The following MAOB variants were observed in gnomAD, a reference collection of about 807,000 sequenced individuals.
MAOB encodes monoamine oxidase B, also known as amine oxidase [flavin-containing] B.
MAOB carries 15 observed loss-of-function variants against 41.9 expected under a neutral mutation model. That is an observed-to-expected ratio of 0.36 (90% CI 0.24 to 0.55). MAOB has a LOEUF of 0.55. Among genes scored for constraint, MAOB ranks in the 20% least tolerant of loss-of-function variants. The pLI is 0.86. For missense variants in MAOB, 345 were observed against 398.7 expected, an observed-to-expected ratio of 0.87 and a Z score of 1.15; for synonymous variants, 167 against 144.2, an observed-to-expected ratio of 1.16 and a Z score of -1.13.
intron 1 of MAOB, among the ~76,000 whole-genome samples, chrX:43,853,739 G>C (rs998876401): frequency 5.4e-5 from 6 of 111,255 alleles, no homozygotes; most frequent in African/African-American, 2.0e-4. Flanking sequence ...GAGATAGAGT[G>C]ATGCCTCTAT....
chrX:43,815,842 C>T lies in MAOB; in HGVS notation c.280-12438G>A, dbSNP rs145766775. Among the ~76,000 whole-genome samples, 663 of 112,089 alleles carry T rather than the reference C, an allele frequency of 5.9e-3. 6 individuals carry two copies. The highest frequency in any genetic ancestry group is 0.021 in the African/African-American group (635 of 30,865). ...AAGCTGCATGTACACATTACTATGACCCACTTCTAGGTATACGCCCCAGAA... is the reference window on the plus strand; with the variant it reads ...AAGCTGCATGTACACATTACTATGATCCACTTCTAGGTATACGCCCCAGAA... On this transcript the variant is annotated intron_variant, in intron 3 of 14. Transcript: ENST00000378069.
At chrX:43,784,871 G>A (rs2034379455) in intron 8 of MAOB, among the ~76,000 whole-genome samples, 1 of 112,291 alleles carries the variant, frequency 8.9e-6, no homozygotes, top group African/African-American at 3.2e-5. Flanking sequence ...TTTCCGGTCG[G>A]GTGTGGTGGC....
chrX:43,850,827 C>T (rs1378440866), intron 1 of MAOB, among the ~76,000 whole-genome samples: 1 of 112,041 alleles, frequency 8.9e-6, no homozygotes, highest in Admixed American at 9.5e-5. Flanking sequence ...ATCAAGCTTT[C>T]ATAAGTTGCC....
intron 1 of MAOB, among the ~76,000 whole-genome samples, chrX:43,873,345 A>T (rs112478142): frequency 2.5e-4 from 28 of 111,413 alleles, no homozygotes; most frequent in Non-Finnish European, 4.3e-4. Context: ...GGAGAGGTTA[A>T]GCAAAAGGGA....
Position 43,838,853 on chromosome X carries a change from C to T in MAOB, c.279+15G>A, listed in dbSNP as rs377652610. 8.6e-7 allele frequency: 1 copy of T among 1,168,782 alleles called. No homozygotes were observed. ...GAGAAGTTTTCAAATCCTTCAAAGT[C>T]TGGCCTGATCTTACCTTTACATGGT... On this transcript the variant is annotated intron_variant, in intron 3 of 14. Transcript: ENST00000378069.
intron 1 of MAOB, among the ~76,000 whole-genome samples, chrX:43,847,745 C>T (rs1375220697): frequency 8.9e-6 from 1 of 112,369 alleles, no homozygotes; most frequent in Non-Finnish European, 1.9e-5. Flanking sequence ...CCTTTGCAAA[C>T]AATTTAGGAG....
intron 3 of MAOB, among the ~76,000 whole-genome samples, chrX:43,826,039 A>G (rs192591731): frequency 1.8e-3 from 197 of 112,308 alleles, no homozygotes; most frequent in Non-Finnish European, 3.2e-3. Context: ...AGGCATACCA[A>G]TATTTTTCTA....
At chrX:43,846,348 G>A (rs909129398) in intron 1 of MAOB, among the ~76,000 whole-genome samples, 1 of 112,449 alleles carries the variant, frequency 8.9e-6, no homozygotes, top group African/African-American at 3.2e-5. Flanking sequence ...AATATAAACA[G>A]TTATTAAAAC....
chrX:43,834,521 A>T (rs747233522), intron 3 of MAOB, among the ~76,000 whole-genome samples: 1 of 112,057 alleles, frequency 8.9e-6, no homozygotes, highest in Non-Finnish European at 1.9e-5. Context: ...CTGAGAGGCC[A>T]TTTAGACAGA....
At chrX:43,814,628 A>C (rs2034786466) in intron 3 of MAOB, among the ~76,000 whole-genome samples, 1 of 111,811 alleles carries the variant, frequency 8.9e-6, no homozygotes, top group South Asian at 3.7e-4. Context: ...CAGGAAATGA[A>C]CCAATCATCT....
chrX:43,856,922 T>C (rs2035292778), intron 1 of MAOB, among the ~76,000 whole-genome samples: 1 of 104,786 alleles, frequency 9.5e-6, no homozygotes, highest in Non-Finnish European at 1.9e-5. Context: ...TACTTTCACA[T>C]TATTTTCTCT....
At chrX:43,857,112 TATATAGAGAGAGAGAGAGAG>T (rs1394753065) in intron 1 of MAOB, among the ~76,000 whole-genome samples, 515 of 14,878 alleles carry the variant, frequency 0.035, 1 homozygote, top group Non-Finnish European at 0.046. Flanking sequence ...TATATATATA[TATATAGAGAGAGAGAGAGAG>T]AGAGAGAGAG....
At chrX:43,855,955 C>A (rs764534271) in intron 1 of MAOB, among the ~76,000 whole-genome samples, 8 of 111,774 alleles carry the variant, frequency 7.2e-5, no homozygotes, top group African/African-American at 2.6e-4. Context: ...CAAAACATGT[C>A]TTCCATCACC....
chrX:43,867,192 G>C (rs2035370809), intron 1 of MAOB, among the ~76,000 whole-genome samples: 1 of 111,971 alleles, frequency 8.9e-6, no homozygotes, highest in Non-Finnish European at 1.9e-5. Flanking sequence ...CTCTTGGCTG[G>C]AAACCTGGCC....
At position 43,775,052 on chromosome X, in the gene MAOB, GTTGTTT is replaced by G. The variant is rs2034235512; in HGVS notation, c.1235+117_1235+122del. On this transcript the variant is annotated intron_variant, in intron 12 of 14. Coordinates refer to ENST00000378069, the MANE Select transcript of MAOB (RefSeq NM_000898.5). The stretch of plus-strand genomic sequence containing the variant: ...ATTCATAAGATACAAAGGAAATTGG[GTTGTTT>G]TTTTTTTTTTTTTTTGTATTTATAA... 4.3e-6 allele frequency: 3 copies of G among 694,037 alleles called. No homozygotes were observed. In the African/African-American group the frequency reaches 8.2e-5, roughly 19 times the overall value. The allele number at this position is 694,037 out of a possible 1,213,427, so 57.2% of individuals were successfully genotyped here.
chrX:43,828,763 C>A (rs766086114), intron 3 of MAOB, among the ~76,000 whole-genome samples: 1 of 111,736 alleles, frequency 8.9e-6, no homozygotes, highest in Non-Finnish European at 1.9e-5. Context: ...AGCCCCCACT[C>A]CATCACTTAC....
intron 1 of MAOB, among the ~76,000 whole-genome samples, chrX:43,858,329 G>A (rs906962923): frequency 9.0e-6 from 1 of 110,945 alleles, no homozygotes; most frequent in African/African-American, 3.3e-5. Flanking sequence ...CAGTCTTTCA[G>A]GTTCCATATC....
At chrX:43,872,352 A>G (rs2035413767) in intron 1 of MAOB, among the ~76,000 whole-genome samples, 1 of 111,923 alleles carries the variant, frequency 8.9e-6, no homozygotes, top group Non-Finnish European at 1.9e-5. Context: ...ACTGGTGAAG[A>G]ATCTTGATTA....
intron 1 of MAOB, 194 bp from the exon 2 acceptor site, chrX:43,843,958 A>T: frequency 2.1e-6 from 2 of 968,819 alleles, no homozygotes; most frequent in Admixed American, 9.9e-5. Context: ...AAGGGATTTC[A>T]TTTTTTAGTA....
Sources: allele counts gnomAD v4.1 joint callset (sites outside exome capture counted in the v4.1 genomes callset), GRCh38; gene constraint gnomAD v4.1.1; transcripts MANE v1.5; gene names NCBI Gene and HGNC (gene_info 2026-07-23, HGNC 2026-07-21).